Variants in CDH12 observed in about 807,000 individuals in gnomAD.
CDH12 encodes the protein cadherin-12.
CDH12 carries 41 observed loss-of-function variants against 74.1 expected under a neutral mutation model. The ratio of observed to expected loss-of-function variants is 0.55; its 90% CI spans 0.43 to 0.72. CDH12 has a LOEUF of 0.72. CDH12 is among the 30% of genes least tolerant of loss of function. CDH12 has a pLI of 0.00. For missense variants in CDH12, 945 were observed against 977.2 expected, an observed-to-expected ratio of 0.97 and a Z score of 0.44; for synonymous variants, 399 against 355.0, an observed-to-expected ratio of 1.12 and a Z score of -1.39.
At chr5:21,766,963 G>A (rs1477291530) in intron 11 of CDH12, among the ~76,000 whole-genome samples, 1 of 151,846 alleles carries the variant, frequency 6.6e-6, no homozygotes, top group Non-Finnish European at 1.5e-5. Context: ...TTTGATTCCA[G>A]CTGTTCTGAT....
At chr5:22,634,193 A>T (rs1738718406) in intron 1 of CDH12, among the ~76,000 whole-genome samples, 1 of 152,198 alleles carries the variant, frequency 6.6e-6, no homozygotes, top group South Asian at 2.1e-4. Context: ...TAAACACATG[A>T]AAATATAGAC....
At chr5:22,849,127 T>C (rs541637320) in intron 1 of CDH12, among the ~76,000 whole-genome samples, 8 of 152,250 alleles carry the variant, frequency 5.3e-5, no homozygotes, top group African/African-American at 1.7e-4. Context: ...TCTACAAATC[T>C]AGCTTAGAGA....
At chr5:22,166,915 T>C (rs570376421) in intron 4 of CDH12, among the ~76,000 whole-genome samples, 1 of 152,190 alleles carries the variant, frequency 6.6e-6, no homozygotes, top group Non-Finnish European at 1.5e-5. Context: ...AAGTAATCAT[T>C]TAACTGATAA....
At position 21,880,616 on chromosome 5, in the gene CDH12, C is replaced by CTTCTTTCT. The variant is rs201513323; in HGVS notation, c.527-25834_527-25827dup. On this transcript the variant is annotated intron_variant, in intron 6 of 14. Transcript: ENST00000382254. ...CCTTCCTTCCTTCCTTCCTTCCTTC[C>CTTCTTTCT]TTCTTTCTTTCTTTCTTTCTTTCTT... 3.7e-3 allele frequency among the ~76,000 whole-genome samples: 190 copies of CTTCTTTCT among 50,866 alleles called. 8 individuals are homozygous for CTTCTTTCT. Among genetic ancestry groups the CTTCTTTCT allele is most frequent in the African/African-American group, 6.4e-3 (73 of 11,414 alleles). The allele number at this position is 50,866 out of a possible 152,430, so 33.4% of individuals were successfully genotyped here. A position where few individuals can be genotyped will look rare whatever the true frequency, so the allele number is the denominator to read the frequency against.
At chr5:22,417,145 T>G (rs1743429094) in intron 2 of CDH12, among the ~76,000 whole-genome samples, 1 of 152,240 alleles carries the variant, frequency 6.6e-6, no homozygotes, top group Non-Finnish European at 1.5e-5. Flanking sequence ...ATAAACCTAC[T>G]AACTGATATC....
intron 5 of CDH12, among the ~76,000 whole-genome samples, chr5:22,005,105 G>T (rs1175585858): frequency 6.6e-6 from 1 of 152,062 alleles, no homozygotes; most frequent in Admixed American, 6.5e-5. Context: ...CAATGGCGCA[G>T]TCTAGGCTCA....
intron 2 of CDH12, among the ~76,000 whole-genome samples, chr5:22,421,262 A>G (rs1439368340): frequency 3.3e-5 from 5 of 152,170 alleles, no homozygotes; most frequent in Admixed American, 3.3e-4. Flanking sequence ...ACAGGTATAC[A>G]CGTGCCATGG....
At chr5:22,652,501 A>G (rs1739796062) in intron 1 of CDH12, among the ~76,000 whole-genome samples, 1 of 152,162 alleles carries the variant, frequency 6.6e-6, no homozygotes, top group Non-Finnish European at 1.5e-5. Flanking sequence ...AACAACTTCA[A>G]ACAATTACAT....
At chr5:22,503,599 A>G (rs1171116827) in intron 2 of CDH12, among the ~76,000 whole-genome samples, 1 of 152,154 alleles carries the variant, frequency 6.6e-6, no homozygotes. Context: ...CATCAATATG[A>G]ATTCCACTCT....
intron 4 of CDH12, among the ~76,000 whole-genome samples, chr5:22,207,013 A>G (rs1751259317): frequency 6.6e-6 from 1 of 151,260 alleles, no homozygotes; most frequent in Non-Finnish European, 1.5e-5. Context: ...GGAGATCCAG[A>G]CCATCCTGGC....
At chr5:22,708,616 G>A (rs1049059985) in intron 1 of CDH12, among the ~76,000 whole-genome samples, 2 of 152,148 alleles carry the variant, frequency 1.3e-5, no homozygotes, top group African/African-American at 4.8e-5. Flanking sequence ...ACAGAGAGAA[G>A]ATAGCCTAGC....
intron 2 of CDH12, among the ~76,000 whole-genome samples, chr5:22,503,023 T>C (rs2126659017): frequency 6.6e-6 from 1 of 152,234 alleles, no homozygotes; most frequent in Admixed American, 6.6e-5. Flanking sequence ...TTTTTCCTAC[T>C]CTTTCCAACT....
chr5:22,138,875 TAC>T (rs1554014127), intron 4 of CDH12, among the ~76,000 whole-genome samples: 24 of 137,694 alleles, frequency 1.7e-4, no homozygotes, highest in African/African-American at 6.4e-4. Context: ...TATATATATA[TAC>T]ATGTTGGACT....
At chr5:22,717,263 C>T (rs1386111452) in intron 1 of CDH12, among the ~76,000 whole-genome samples, 1 of 152,030 alleles carries the variant, frequency 6.6e-6, no homozygotes, top group Non-Finnish European at 1.5e-5. Flanking sequence ...TAATCTTTTA[C>T]CTCACTTTTA....
At chr5:22,216,930 TTCAG>T (rs1014087620) in intron 3 of CDH12, among the ~76,000 whole-genome samples, 41 of 151,972 alleles carry the variant, frequency 2.7e-4, no homozygotes, top group African/African-American at 7.9e-4. Flanking sequence ...TCTCTAGGAT[TTCAG>T]TCAGTTATGA....
Position 21,958,394 on chromosome 5 carries a change from C to T in CDH12, c.526+16697G>A, listed in dbSNP as rs1756195976. 2.6e-5 allele frequency among the ~76,000 whole-genome samples: 4 copies of T among 152,044 alleles called. No individual in the cohort carries two copies. The South Asian group carries it at 8.3e-4, about 32-fold the overall frequency. On this transcript the variant is annotated intron_variant, in intron 6 of 14. Transcript: ENST00000382254. ...TGTTCTAAGTACAGGACGGTATTGCCTAGGTTGTCTTCCAGGGTTTTTCTA... is the reference window on the plus strand; with the variant it reads ...TGTTCTAAGTACAGGACGGTATTGCTTAGGTTGTCTTCCAGGGTTTTTCTA...
intron 1 of CDH12, among the ~76,000 whole-genome samples, chr5:22,783,349 T>C (rs932925929): frequency 1.3e-5 from 2 of 152,124 alleles, no homozygotes; most frequent in East Asian, 3.9e-4. Context: ...AGATGAATGG[T>C]AATGAGTTCA....
At chr5:22,308,185 T>A (rs1398187380) in intron 3 of CDH12, among the ~76,000 whole-genome samples, 1 of 152,000 alleles carries the variant, frequency 6.6e-6, no homozygotes. Flanking sequence ...CTGGCCTAGA[T>A]TCTTTTTAAG....
At chr5:22,516,303 G>T (rs994811031) in intron 1 of CDH12, among the ~76,000 whole-genome samples, 1 of 151,858 alleles carries the variant, frequency 6.6e-6, no homozygotes. Flanking sequence ...TTTTAAAAAT[G>T]GAATATAAAT....
Sources: gnomAD v4.1 joint callset for allele counts (sites outside exome capture counted in the v4.1 genomes callset) on GRCh38, gnomAD v4.1.1 for gene constraint, MANE v1.5 for transcripts, NCBI Gene and HGNC (gene_info 2026-07-23, HGNC 2026-07-21) for gene names.